Variants in SBF2 observed in about 807,000 individuals in gnomAD.
The protein encoded by SBF2 is myotubularin-related protein 13.
Under a neutral mutation model 225.2 loss-of-function variants are expected in SBF2, and 112 were observed. That is an observed-to-expected ratio of 0.50 (90% CI 0.43 to 0.58). The LOEUF (loss-of-function observed/expected upper bound fraction) is 0.58, where lower values mean the gene tolerates loss of function less well. Ranked by LOEUF, SBF2 falls within the 20% of genes least tolerant of loss-of-function variation. The pLI, the probability that SBF2 is intolerant of heterozygous loss-of-function variation, is 0.00. For synonymous variants in SBF2, 763 were observed against 773.3 expected, an observed-to-expected ratio of 0.99 and a Z score of 0.22; for missense variants, 1,996 against 2,206.2, an observed-to-expected ratio of 0.90 and a Z score of 1.91.
chr11:10,047,780 T>C (rs1949920956), intron 2 of SBF2, among the ~76,000 whole-genome samples: 1 of 152,190 alleles, frequency 6.6e-6, no homozygotes. Context: ...TAACTGTACC[T>C]TAATTAGCAA....
intron 17 of SBF2, among the ~76,000 whole-genome samples, chr11:9,875,085 A>G (rs575104551): frequency 6.6e-6 from 1 of 152,226 alleles, no homozygotes; most frequent in Non-Finnish European, 1.5e-5. Flanking sequence ...AGAATGAGAG[A>G]CAAGCTGTTT....
chr11:10,182,580 G>T (rs184267684), intron 2 of SBF2, among the ~76,000 whole-genome samples: 44 of 151,986 alleles, frequency 2.9e-4, no homozygotes, highest in Non-Finnish European at 5.1e-4. Context: ...TTAAGACAGG[G>T]TCTTACTCTG....
chr11:10,046,486 C>T (rs935735735), intron 2 of SBF2, among the ~76,000 whole-genome samples: 4 of 152,006 alleles, frequency 2.6e-5, no homozygotes, highest in Non-Finnish European at 5.9e-5. Flanking sequence ...AGCATTATAT[C>T]GTATCAACAG....
chr11:10,249,704 T>A (rs1184340375), intron 1 of SBF2, among the ~76,000 whole-genome samples: 1 of 149,218 alleles, frequency 6.7e-6, no homozygotes, highest in Non-Finnish European at 1.5e-5. Context: ...TGGAATGCTA[T>A]GGGGGAGTCC....
At chr11:10,166,265 T>C (rs1335947829) in intron 2 of SBF2, among the ~76,000 whole-genome samples, 1 of 152,288 alleles carries the variant, frequency 6.6e-6, no homozygotes, top group African/African-American at 2.4e-5. Context: ...GACCAGGAAA[T>C]CTTTAAGGTG....
intron 2 of SBF2, among the ~76,000 whole-genome samples, chr11:10,045,438 A>G (rs915356634): frequency 6.6e-6 from 1 of 152,156 alleles, no homozygotes; most frequent in Non-Finnish European, 1.5e-5. Context: ...AAGTGGTGGG[A>G]TTACAGGCAT....
intron 6 of SBF2, among the ~76,000 whole-genome samples, chr11:10,011,741 T>C (rs1227881200): frequency 1.3e-5 from 2 of 152,200 alleles, no homozygotes; most frequent in African/African-American, 4.8e-5. Context: ...TATAGTTCTA[T>C]TGATTCATAT....
rs372271420 is a variant in SBF2 at position 10,146,504 on chromosome 11, A to G, written c.141+47398T>C. ...TCCCTATTTAACAAATAGTGCTGCA[A>G]TAACTGGCTAGCCGTATGCAGAAAA... is the stretch of plus-strand genomic sequence containing the variant. On this transcript the variant is annotated intron_variant, in intron 2 of 39. Transcript: ENST00000256190. Among the ~76,000 whole-genome samples the G allele has an allele frequency of 2.0e-4, 30 of 152,320 alleles. No individual in the cohort carries two copies. In the East Asian group the frequency reaches 2.9e-3, roughly 15 times the overall value.
intron 36 of SBF2, among the ~76,000 whole-genome samples, chr11:9,786,583 G>T (rs566895573): frequency 2.0e-5 from 3 of 152,170 alleles, no homozygotes; most frequent in Admixed American, 6.5e-5. Flanking sequence ...CATCTGACCT[G>T]CTGGCCTCTT....
At chr11:10,118,979 CT>C (rs1177249244) in intron 2 of SBF2, among the ~76,000 whole-genome samples, 2 of 150,900 alleles carry the variant, frequency 1.3e-5, no homozygotes, top group Non-Finnish European at 3.0e-5. Context: ...AAAGTCACAT[CT>C]GCAGGAAAAA....
intron 1 of SBF2, among the ~76,000 whole-genome samples, chr11:10,293,479 G>A (rs1460242730): frequency 6.6e-6 from 1 of 152,188 alleles, no homozygotes; most frequent in Non-Finnish European, 1.5e-5. Flanking sequence ...AAAGAATCCT[G>A]TCCCCTTCCC....
intron 16 of SBF2, among the ~76,000 whole-genome samples, chr11:9,908,626 CAA>C (rs536864299): frequency 1.4e-5 from 2 of 144,040 alleles, no homozygotes; most frequent in African/African-American, 5.0e-5. Flanking sequence ...GACTCCGTCT[CAA>C]AAAAAAAAAG....
intron 32 of SBF2, among the ~76,000 whole-genome samples, chr11:9,797,158 C>T (rs946488873): frequency 2.0e-5 from 3 of 152,190 alleles, no homozygotes; most frequent in South Asian, 2.1e-4. Context: ...TTTGGCAATA[C>T]GGACCTGTAC....
At chr11:9,987,521 C>T (rs889793325) in intron 13 of SBF2, among the ~76,000 whole-genome samples, 1 of 152,048 alleles carries the variant, frequency 6.6e-6, no homozygotes, top group African/African-American at 2.4e-5. Flanking sequence ...TTGAAAACCC[C>T]AAGGACTCCT....
At chr11:10,256,499 T>A (rs1278903357) in intron 1 of SBF2, among the ~76,000 whole-genome samples, 1 of 152,194 alleles carries the variant, frequency 6.6e-6, no homozygotes, top group Non-Finnish European at 1.5e-5. Context: ...TCCAGGTAAT[T>A]GTGGCAAAGA....
Position 9,785,198 on chromosome 11 carries a change from A to G in SBF2, c.5158T>C (p.Ser1720Pro), listed in dbSNP as rs1590077175. The G allele has an allele frequency of 1.2e-6, 2 of 1,614,034 alleles. No individual in the cohort carries two copies. The highest frequency in any genetic ancestry group is 1.7e-6 in the Non-Finnish European group (2 of 1,180,006). Residue 1720 changes from serine (S) to proline (P), a missense_variant, in exon 37 of 40, where the codon TCC becomes CCC. By Grantham distance (74) the Ser-to-Pro change is moderately conservative (BLOSUM62 -1). Coordinates refer to ENST00000256190, the MANE Select transcript of SBF2 (RefSeq NM_030962.4). The stretch of plus-strand genomic sequence containing the variant: ...CTTCGCTCCACTCCATTGGATGGGG[A>G]GATGCTGGAATTCTGTTCCTCCCCC... ...SMGEEQNSSISPSNGVERRAA... is the reference protein window; with the variant it reads ...SMGEEQNSSIPPSNGVERRAA...
intron 1 of SBF2, among the ~76,000 whole-genome samples, chr11:10,197,532 T>C (rs919448238): frequency 6.6e-6 from 1 of 152,280 alleles, no homozygotes; most frequent in Non-Finnish European, 1.5e-5. Context: ...TTTTTGCTGG[T>C]AGAATGTCTT....
chr11:9,966,052 CTGAGT>C (rs1339642321), intron 14 of SBF2, among the ~76,000 whole-genome samples: 1 of 151,628 alleles, frequency 6.6e-6, no homozygotes, highest in Non-Finnish European at 1.5e-5. Context: ...TTTCTTTAGG[CTGAGT>C]TATTAGAAAA....
chr11:10,072,373 T>C (rs1332784032), intron 2 of SBF2, among the ~76,000 whole-genome samples: 2 of 152,160 alleles, frequency 1.3e-5, no homozygotes. Context: ...TTTCAAAATC[T>C]CTCAGGCCCA....
Sources: allele counts gnomAD v4.1 joint callset (sites outside exome capture counted in the v4.1 genomes callset), GRCh38; gene constraint gnomAD v4.1.1; transcripts MANE v1.5; gene names NCBI Gene and HGNC (gene_info 2026-07-23, HGNC 2026-07-21).